The following ASIC2 variants were observed in gnomAD, a reference collection of about 807,000 sequenced individuals.
The protein encoded by ASIC2 is acid sensing ion channel subunit 2.
Under a neutral mutation model 57.3 loss-of-function variants are expected in ASIC2, and 25 were observed. The observed-to-expected ratio is 0.44, with a 90% CI of 0.32 to 0.61. ASIC2 has a LOEUF of 0.61. Among genes scored for constraint, ASIC2 ranks in the 20% least tolerant of loss-of-function variants. The pLI, the probability that ASIC2 is intolerant of heterozygous loss-of-function variation, is 0.06. For missense variants in ASIC2, 641 were observed against 738.1 expected (o/e 0.87, Z 1.52); for synonymous variants, 319 against 307.5 (o/e 1.04, Z -0.39).
At chr17:33,078,200 G>A (rs2092097569) in intron 3 of ASIC2, among the ~76,000 whole-genome samples, 1 of 152,074 alleles carries the variant, frequency 6.6e-6, no homozygotes, top group Admixed American at 6.5e-5. Context: ...AAGCCACCGA[G>A]AGATAAGCAG....
At chr17:33,969,796 C>T (rs1024942281) in intron 1 of ASIC2, among the ~76,000 whole-genome samples, 2 of 152,116 alleles carry the variant, frequency 1.3e-5, no homozygotes, top group Non-Finnish European at 2.9e-5. Flanking sequence ...AGTGGAGAGT[C>T]CCAGGTGCTT....
intron 1 of ASIC2, among the ~76,000 whole-genome samples, chr17:34,026,314 G>A (rs539089953): frequency 3.3e-5 from 5 of 152,236 alleles, no homozygotes; most frequent in Admixed American, 6.5e-5. Context: ...AGGTGCAGCC[G>A]CTAGCCATGC....
intron 1 of ASIC2, among the ~76,000 whole-genome samples, chr17:33,521,829 G>T (rs1914750343): frequency 6.6e-6 from 1 of 152,164 alleles, no homozygotes; most frequent in Admixed American, 6.5e-5. Flanking sequence ...GAACCCTGAT[G>T]TGGGGCCTCT....
intron 1 of ASIC2, among the ~76,000 whole-genome samples, chr17:33,575,257 C>T (rs1428142860): frequency 1.3e-5 from 2 of 152,212 alleles, no homozygotes; most frequent in African/African-American, 2.4e-5. Flanking sequence ...ATGCAAACAG[C>T]ACTGAGTCCC....
chr17:33,026,263 A>G (rs1392862484), intron 4 of ASIC2, among the ~76,000 whole-genome samples: 1 of 152,028 alleles, frequency 6.6e-6, no homozygotes, highest in Non-Finnish European at 1.5e-5. Flanking sequence ...GTGTAGGTCC[A>G]GCCAGCTCCC....
chr17:33,527,882 G>A (rs1173672055), intron 1 of ASIC2, among the ~76,000 whole-genome samples: 1 of 152,096 alleles, frequency 6.6e-6, no homozygotes, highest in Non-Finnish European at 1.5e-5. Flanking sequence ...GACTCCCATT[G>A]GACAGAGGGT....
At chr17:33,098,512 C>T (rs868384847) in intron 2 of ASIC2, among the ~76,000 whole-genome samples, 5 of 152,038 alleles carry the variant, frequency 3.3e-5, no homozygotes, top group East Asian at 1.9e-4. Context: ...TGTCCCCATG[C>T]GGGATGGGCT....
chr17:33,123,746 T>C (rs2092312024), intron 1 of ASIC2, among the ~76,000 whole-genome samples: 1 of 152,184 alleles, frequency 6.6e-6, no homozygotes, highest in Non-Finnish European at 1.5e-5. Context: ...TAATTCCTAC[T>C]GCTGTGAGTG....
intron 1 of ASIC2, among the ~76,000 whole-genome samples, chr17:34,116,843 G>C (rs760992064): frequency 5.9e-5 from 9 of 152,088 alleles, no homozygotes; most frequent in Non-Finnish European, 1.3e-4. Context: ...GATACCTTTT[G>C]CAAGTGTGTG....
intron 1 of ASIC2, among the ~76,000 whole-genome samples, chr17:33,392,196 C>CCTTCCTTCCTTCCT (rs1567846190): frequency 3.4e-4 from 13 of 37,832 alleles, no homozygotes; most frequent in East Asian, 1.3e-3. Flanking sequence ...CCTTCCTTCC[C>CCTTCCTTCCTTCCT]TCCTTCCTTC....
At chr17:33,703,330 T>G (rs1235299783) in intron 1 of ASIC2, among the ~76,000 whole-genome samples, 1 of 151,766 alleles carries the variant, frequency 6.6e-6, no homozygotes, top group Non-Finnish European at 1.5e-5. Flanking sequence ...TCTTTTTTTT[T>G]TTGTTGCTGT....
At position 33,916,045 on chromosome 17, in the gene ASIC2, A is replaced by G. The variant is rs767977903; in HGVS notation, c.555+239933T>C. 1.4e-4 allele frequency among the ~76,000 whole-genome samples: 22 copies of G among 152,160 alleles called. 1 individual carries two copies. The highest frequency in any genetic ancestry group is 8.8e-5 in the Non-Finnish European group (6 of 68,038). ...CCAGGGAGAAGAAGGGAGAATGCAG[A>G]CTATGCCTACTTTCCTACCTCCTTG... On this transcript the variant is annotated intron_variant, in intron 1 of 9. Coordinates refer to the ASIC2 transcript ENST00000359872.
At chr17:33,779,885 T>C (rs1911395050) in intron 1 of ASIC2, among the ~76,000 whole-genome samples, 1 of 151,602 alleles carries the variant, frequency 6.6e-6, no homozygotes, top group South Asian at 2.1e-4. Flanking sequence ...AATTGAAATC[T>C]AGAGAGTGAG....
At chr17:33,969,323 G>T (rs1905159268) in intron 1 of ASIC2, among the ~76,000 whole-genome samples, 1 of 152,102 alleles carries the variant, frequency 6.6e-6, no homozygotes, top group Admixed American at 6.6e-5. Context: ...AAATGTTGTG[G>T]GCTGACAAAA....
intron 1 of ASIC2, among the ~76,000 whole-genome samples, chr17:33,145,095 T>C (rs1421757732): frequency 6.6e-6 from 1 of 152,232 alleles, no homozygotes; most frequent in Non-Finnish European, 1.5e-5. Flanking sequence ...TATTTATACA[T>C]AGTCTCTCAG....
At chr17:33,640,346 A>G (rs946128908) in intron 1 of ASIC2, among the ~76,000 whole-genome samples, 1 of 152,194 alleles carries the variant, frequency 6.6e-6, no homozygotes, top group African/African-American at 2.4e-5. Flanking sequence ...TTAAGAATGC[A>G]CACCCACCTT....
intron 7 of ASIC2, among the ~76,000 whole-genome samples, chr17:33,018,723 T>C (rs893353186): frequency 1.3e-5 from 2 of 151,942 alleles, no homozygotes; most frequent in African/African-American, 4.8e-5. Flanking sequence ...GGATATTTGG[T>C]GGTGGTGGCA....
chr17:33,258,460 G>A (rs556800267), intron 1 of ASIC2, among the ~76,000 whole-genome samples: 22 of 152,190 alleles, frequency 1.4e-4, no homozygotes, highest in Non-Finnish European at 2.9e-4. Flanking sequence ...GTGCCATGAG[G>A]TAAGGGAAGG....
chr17:33,623,731 A>G (rs1905885816), intron 1 of ASIC2, among the ~76,000 whole-genome samples: 1 of 151,676 alleles, frequency 6.6e-6, no homozygotes, highest in Non-Finnish European at 1.5e-5. Flanking sequence ...CTTCTTTTTC[A>G]TTCTGTTTGT....
Sources: allele counts gnomAD v4.1 joint callset (sites outside exome capture counted in the v4.1 genomes callset), GRCh38; gene constraint gnomAD v4.1.1; transcripts MANE v1.5; gene names NCBI Gene and HGNC (gene_info 2026-07-23, HGNC 2026-07-21).